The following ST3GAL6 variants were observed in gnomAD, a reference collection of about 807,000 sequenced individuals.
ST3GAL6 encodes the protein ST3 beta-galactoside alpha-2,3-sialyltransferase 6.
ST3GAL6 carries 31 observed loss-of-function variants against 40.5 expected under a neutral mutation model. That is an observed-to-expected ratio of 0.77 (90% confidence interval 0.58 to 1.03). The LOEUF is 1.03. Ranked by LOEUF, ST3GAL6 falls within the 50% of genes least tolerant of loss-of-function variation. ST3GAL6 has a pLI of 0.00. For missense variants in ST3GAL6, 357 were observed against 393.2 expected (o/e 0.91, Z 0.78); for synonymous variants, 129 against 136.9 (o/e 0.94, Z 0.40).
chr3:98,782,926 AGT>A, intron 5 of ST3GAL6: 2 of 215,608 alleles, frequency 9.3e-6, no homozygotes, highest in South Asian at 5.2e-5. Context: ...TACTCAGCTC[AGT>A]CTATTACTCA....
chr3:98,779,229 A>G (rs1056485127), intron 5 of ST3GAL6, among the ~76,000 whole-genome samples: 3 of 152,198 alleles, frequency 2.0e-5, no homozygotes, highest in African/African-American at 7.2e-5. Context: ...TGTTCACATG[A>G]TTCTTTTGGC....
chr3:98,752,708 T>C (rs1937105680), intron 1 of ST3GAL6, among the ~76,000 whole-genome samples: 1 of 152,198 alleles, frequency 6.6e-6, no homozygotes, highest in Admixed American at 6.5e-5. Flanking sequence ...CCTGACCTCG[T>C]GATCTGCCCG....
At chr3:98,733,575 T>C (rs942361854) in intron 1 of ST3GAL6, 2 of 985,300 alleles carry the variant, frequency 2.0e-6, no homozygotes, top group Non-Finnish European at 2.4e-6. Flanking sequence ...CGAGGCAGTT[T>C]AGGAGAAAGG....
intron 6 of ST3GAL6, among the ~76,000 whole-genome samples, chr3:98,785,450 A>G (rs1940610136): frequency 6.6e-6 from 1 of 152,208 alleles, no homozygotes; most frequent in South Asian, 2.1e-4. Flanking sequence ...AGCAGGGCCC[A>G]AGTGACCACA....
intron 1 of ST3GAL6, among the ~76,000 whole-genome samples, chr3:98,758,225 C>T (rs567621700): frequency 6.6e-6 from 1 of 152,276 alleles, no homozygotes; most frequent in East Asian, 1.9e-4. Flanking sequence ...AAATTCCAGT[C>T]TTTATCCTTA....
chr3:98,772,232 G>GT (rs1332751485), intron 3 of ST3GAL6: 1 of 152,720 alleles, frequency 6.5e-6, no homozygotes, highest in African/African-American at 2.4e-5. Flanking sequence ...GTCCCCTAGA[G>GT]TGTACTTGAG....
At chr3:98,746,249 G>C (rs1483477282) in intron 1 of ST3GAL6, among the ~76,000 whole-genome samples, 1 of 152,134 alleles carries the variant, frequency 6.6e-6, no homozygotes, top group East Asian at 1.9e-4. Context: ...AGCCCAGGAG[G>C]ATTTCTTAAG....
At position 98,767,694 on chromosome 3, in the gene ST3GAL6, T is replaced by C. The variant is rs114509284; in HGVS notation, c.-11-736T>C. ...GAAGCAAAAGAGAAAACCAAACATG[T>C]TTTATAGGTTTTTAAAATATATTCT... On this transcript the variant is annotated intron_variant, in intron 1 of 9. Coordinates refer to ENST00000483910, the MANE Select transcript of ST3GAL6 (RefSeq NM_001323368.2). 6.2e-3 allele frequency among the ~76,000 whole-genome samples: 952 copies of C among 152,356 alleles called. 13 individuals are homozygous for C. The highest frequency in any genetic ancestry group is 0.022 in the African/African-American group (907 of 41,584).
upstream of ST3GAL6, chr3:98,762,823 A>G (rs1202217812): frequency 4.0e-5 from 39 of 985,332 alleles, no homozygotes; most frequent in Admixed American, 1.9e-3. Context: ...GGTATTAAAC[A>G]TATCTAGCAT....
At chr3:98,763,152 C>A, upstream of ST3GAL6, 1 of 985,336 alleles carries the variant, frequency 1.0e-6, no homozygotes, top group Non-Finnish European at 1.2e-6. Context: ...CTTAGGGGAC[C>A]TATGAGGCTG....
chr3:98,763,085 A>C, upstream of ST3GAL6: 1 of 985,394 alleles, frequency 1.0e-6, no homozygotes, highest in Non-Finnish European at 1.2e-6. Flanking sequence ...ATCACTGTGG[A>C]GTCCTGTACA....
chr3:98,749,898 A>T (rs1030385946), intron 1 of ST3GAL6, among the ~76,000 whole-genome samples: 1 of 152,220 alleles, frequency 6.6e-6, no homozygotes, highest in Non-Finnish European at 1.5e-5. Context: ...AATATGACCA[A>T]GCAATAAACG....
At chr3:98,791,642 A>G (rs552427395) in intron 8 of ST3GAL6, among the ~76,000 whole-genome samples, 199 bp from the exon 9 acceptor site, 17 of 152,328 alleles carry the variant, frequency 1.1e-4, no homozygotes, top group Admixed American at 8.5e-4. Context: ...TAAGATTTCA[A>G]TCACAGTTTA....
intron 2 of ST3GAL6, among the ~76,000 whole-genome samples, chr3:98,769,405 G>A (rs942600942): frequency 1.3e-5 from 2 of 152,218 alleles, no homozygotes; most frequent in South Asian, 4.1e-4. Context: ...TCGGGCTAGA[G>A]AATTTTGAAG....
rs1050404230 is a variant in ST3GAL6, at chr3:98,795,794, A to G, written c.*2033A>G. On this transcript the variant is annotated 3_prime_UTR_variant, in exon 10 of 10. Coordinates refer to ENST00000483910, the MANE Select transcript of ST3GAL6 (RefSeq NM_001323368.2). ...ACAATATACCCATGTAACAACCTGC[A>G]CTCTGCACATGTACCCTTAGAATCT... The G allele has an allele frequency of 2.6e-5, 4 of 152,090 alleles. No individual in the cohort carries two copies. Among genetic ancestry groups the G allele is most frequent in the Non-Finnish European group, 4.4e-5 (3 of 68,010 alleles). 9.4% of individuals were successfully genotyped at this position (152,090 alleles called of 1,614,324 possible).
chr3:98,786,464 T>C (rs1940724629), intron 6 of ST3GAL6, among the ~76,000 whole-genome samples: 1 of 152,040 alleles, frequency 6.6e-6, no homozygotes, highest in Non-Finnish European at 1.5e-5. Context: ...GTGGTGACCA[T>C]TGGACTGGTG....
intron 1 of ST3GAL6, among the ~76,000 whole-genome samples, chr3:98,764,479 A>G (rs1938121497): frequency 1.3e-5 from 2 of 152,200 alleles, no homozygotes; most frequent in African/African-American, 4.8e-5. Flanking sequence ...CCTCCATTTC[A>G]TCAATTACTA....
At chr3:98,761,013 G>A (rs985318191), upstream of ST3GAL6, among the ~76,000 whole-genome samples, 1 of 152,198 alleles carries the variant, frequency 6.6e-6, no homozygotes, top group African/African-American at 2.4e-5. Context: ...TTTTAGAAAA[G>A]CAAAACTATA....
chr3:98,782,282 C>T, intron 5 of ST3GAL6: 1 of 703,410 alleles, frequency 1.4e-6, no homozygotes, highest in South Asian at 1.5e-5. Flanking sequence ...AGCTGTTTTC[C>T]CAGTCACTTT....
Sources: gnomAD v4.1 joint callset for allele counts (sites outside exome capture counted in the v4.1 genomes callset) on GRCh38, gnomAD v4.1.1 for gene constraint, MANE v1.5 for transcripts, NCBI Gene and HGNC (gene_info 2026-07-23, HGNC 2026-07-21) for gene names.